The following HDAC9 variants were observed in gnomAD, a reference collection of about 807,000 sequenced individuals.
The protein encoded by HDAC9 is MEF-2 interacting transcription repressor (MITR) protein.
A neutral mutation model predicts 139.4 loss-of-function variants in HDAC9; 41 were observed. The ratio of observed to expected loss-of-function variants is 0.29; its 90% CI spans 0.23 to 0.38. The LOEUF (loss-of-function observed/expected upper bound fraction) is 0.38. HDAC9 is among the 10% of genes least tolerant of loss of function. The pLI is 1.00. For synonymous variants in HDAC9, 517 were observed against 476.2 expected (o/e 1.09, Z -1.12); for missense variants, 1,147 against 1,297.0 (o/e 0.88, Z 1.78).
At chr7:18,816,663 A>G (rs1302488844) in intron 17 of HDAC9, among the ~76,000 whole-genome samples, 1 of 152,210 alleles carries the variant, frequency 6.6e-6, no homozygotes, top group Non-Finnish European at 1.5e-5. Flanking sequence ...CTGGTCATCT[A>G]AATCCCCCAA....
chr7:18,804,570 T>C (rs1455804342), intron 17 of HDAC9, among the ~76,000 whole-genome samples: 1 of 152,230 alleles, frequency 6.6e-6, no homozygotes, highest in Non-Finnish European at 1.5e-5. Flanking sequence ...GTTATATTGC[T>C]GTCTACCCTA....
chr7:18,933,313 T>A (rs565198392), intron 22 of HDAC9, among the ~76,000 whole-genome samples: 1 of 152,184 alleles, frequency 6.6e-6, no homozygotes, highest in African/African-American at 2.4e-5. Flanking sequence ...GTCCTTTTTG[T>A]TAAGGGTACA....
intron 8 of HDAC9, among the ~76,000 whole-genome samples, chr7:18,643,013 A>C (rs1192206965): frequency 3.9e-5 from 6 of 152,150 alleles, no homozygotes; most frequent in Non-Finnish European, 8.8e-5. Context: ...TTTTCTCTTC[A>C]ATGAATACAG....
intron 2 of HDAC9, among the ~76,000 whole-genome samples, chr7:18,258,500 A>G (rs951304371): frequency 3.3e-5 from 5 of 152,110 alleles, no homozygotes; most frequent in African/African-American, 1.2e-4. Context: ...CCTTTTTCCC[A>G]AGTCCCCAGA....
intron 1 of HDAC9, among the ~76,000 whole-genome samples, chr7:18,331,310 T>C (rs1468933237): frequency 1.3e-5 from 2 of 151,736 alleles, no homozygotes; most frequent in Admixed American, 6.6e-5. Flanking sequence ...CTTTTACTTT[T>C]GTTATTAATC....
At chr7:18,629,246 G>T in intron 6 of HDAC9, 104 bp from the exon 7 acceptor site, 1 of 1,073,326 alleles carries the variant, frequency 9.3e-7, no homozygotes, top group African/African-American at 1.6e-5. Flanking sequence ...GAATGAGAAT[G>T]GACCAAGAAA....
intron 17 of HDAC9, among the ~76,000 whole-genome samples, chr7:18,799,148 A>G (rs1793079339): frequency 6.6e-6 from 1 of 152,094 alleles, no homozygotes; most frequent in Non-Finnish European, 1.5e-5. Context: ...TAAAAGAAAT[A>G]TATTTATCCA....
intron 21 of HDAC9, among the ~76,000 whole-genome samples, chr7:18,840,643 AG>A (rs1424213581): frequency 6.6e-6 from 1 of 152,104 alleles, no homozygotes; most frequent in Non-Finnish European, 1.5e-5. Flanking sequence ...AATTTTTAGA[AG>A]CTTAATGTTT....
intron 24 of HDAC9, among the ~76,000 whole-genome samples, chr7:18,960,924 A>G (rs886546746): frequency 2.6e-5 from 4 of 152,104 alleles, no homozygotes; most frequent in Admixed American, 6.6e-5. Flanking sequence ...TTTTGACCTC[A>G]TGGGGCTATG....
intron 1 of HDAC9, among the ~76,000 whole-genome samples, chr7:18,349,880 C>T (rs1486238126): frequency 6.6e-6 from 1 of 151,998 alleles, no homozygotes; most frequent in Non-Finnish European, 1.5e-5. Flanking sequence ...TTCAGTTGTT[C>T]TTTGCTTTGG....
At chr7:18,889,167 C>G (rs1460780694) in intron 22 of HDAC9, among the ~76,000 whole-genome samples, 2 of 152,140 alleles carry the variant, frequency 1.3e-5, no homozygotes, top group African/African-American at 2.4e-5. Context: ...CTTTCTGTCT[C>G]TCTAACAGAC....
In HDAC9 at chr7:18,556,588, C is replaced by G. The variant is rs188137595; in HGVS notation, c.23-28693C>G. Reference sequence around the variant, plus strand: ...GTTCTCTCAGCTCTTTAATTAAGTTCACTAATTTCTGTCTCAATCCAGTGT... The same window carrying G: ...GTTCTCTCAGCTCTTTAATTAAGTTGACTAATTTCTGTCTCAATCCAGTGT... On this transcript the variant is annotated intron_variant, in intron 2 of 25. Coordinates refer to ENST00000686413, the MANE Select transcript of HDAC9 (RefSeq NM_178425.4). 1.1e-4 allele frequency among the ~76,000 whole-genome samples: 17 copies of G among 151,888 alleles called. No individual in the cohort carries two copies. In the East Asian group the frequency reaches 3.1e-3, roughly 28 times the overall value.
At chr7:18,136,270 G>A (rs1162292048) in intron 1 of HDAC9, among the ~76,000 whole-genome samples, 2 of 151,042 alleles carry the variant, frequency 1.3e-5, no homozygotes. Context: ...TCACTCTGAT[G>A]GTAGTTTCTT....
At chr7:18,510,645 G>T (rs1586500086) in intron 2 of HDAC9, among the ~76,000 whole-genome samples, 1 of 152,064 alleles carries the variant, frequency 6.6e-6, no homozygotes, top group Non-Finnish European at 1.5e-5. Flanking sequence ...AAGGGGGCAA[G>T]GAATGATGAT....
chr7:18,177,964 C>T (rs1278422655), intron 2 of HDAC9, among the ~76,000 whole-genome samples: 1 of 147,804 alleles, frequency 6.8e-6, no homozygotes, highest in East Asian at 1.9e-4. Context: ...TGAATCATAT[C>T]CCTTTTCTTT....
chr7:18,421,241 A>C (rs1310922909), intron 1 of HDAC9, among the ~76,000 whole-genome samples: 1 of 152,184 alleles, frequency 6.6e-6, no homozygotes, highest in African/African-American at 2.4e-5. Context: ...GTTAGTTTAA[A>C]AGTAGTTCTT....
At chr7:18,795,417 TAATA>T (rs1393614145) in intron 17 of HDAC9, among the ~76,000 whole-genome samples, 1 of 152,132 alleles carries the variant, frequency 6.6e-6, no homozygotes, top group Non-Finnish European at 1.5e-5. Flanking sequence ...GTGGAATTGA[TAATA>T]TTGAAGGTCA....
intron 21 of HDAC9, among the ~76,000 whole-genome samples, chr7:18,851,883 A>G (rs564369593): frequency 6.6e-6 from 1 of 152,334 alleles, no homozygotes; most frequent in Non-Finnish European, 1.5e-5. Flanking sequence ...ATTTAGATTC[A>G]TTAGACTTTC....
intron 19 of HDAC9, among the ~76,000 whole-genome samples, chr7:18,831,470 T>C (rs868017137): frequency 1.6e-4 from 25 of 152,338 alleles, no homozygotes; most frequent in Middle Eastern, 3.4e-3. Context: ...CCTTTGATTA[T>C]GTATTTGCTC....
Sources: allele counts gnomAD v4.1 joint callset (sites outside exome capture counted in the v4.1 genomes callset), GRCh38; gene constraint gnomAD v4.1.1; transcripts MANE v1.5; gene names NCBI Gene and HGNC (gene_info 2026-07-23, HGNC 2026-07-21).